The following CCSER1 variants were observed in gnomAD, a reference collection of about 807,000 sequenced individuals.
The protein encoded by CCSER1 is coiled-coil serine rich protein 1.
In CCSER1, 41 loss-of-function variants were observed where a neutral mutation model predicts 82.0. The ratio of observed to expected loss-of-function variants is 0.50; its 90% confidence interval spans 0.39 to 0.65. CCSER1 has a LOEUF of 0.65. CCSER1 is among the 30% of genes least tolerant of loss of function. CCSER1 has a pLI of 0.00. For synonymous variants in CCSER1, 414 were observed against 383.9 expected (o/e 1.08, Z -0.92); for missense variants, 1,119 against 1,064.2 (o/e 1.05, Z -0.72).
intron 6 of CCSER1, among the ~76,000 whole-genome samples, chr4:90,698,105 ATGAATGAAAG>A (rs1332291653): frequency 6.6e-6 from 1 of 152,200 alleles, no homozygotes; most frequent in African/African-American, 2.4e-5. Flanking sequence ...AGAGATCATT[ATGAATGAAAG>A]CTAGAAAGCT....
At chr4:90,293,762 A>G (rs1418215392) in intron 1 of CCSER1, among the ~76,000 whole-genome samples, 1 of 151,842 alleles carries the variant, frequency 6.6e-6, no homozygotes, top group African/African-American at 2.4e-5. Context: ...TCAAAAGAAC[A>G]TGCATCTCAG....
chr4:90,960,731 G>A (rs1733975064), intron 9 of CCSER1, among the ~76,000 whole-genome samples: 1 of 152,076 alleles, frequency 6.6e-6, no homozygotes, highest in African/African-American at 2.4e-5. Flanking sequence ...CTGGAATCCT[G>A]ATTCTCGACT....
intron 7 of CCSER1, among the ~76,000 whole-genome samples, chr4:90,734,350 C>G (rs898265517): frequency 4.6e-5 from 7 of 152,084 alleles, no homozygotes; most frequent in African/African-American, 7.2e-5. Flanking sequence ...TGGTCTCGAT[C>G]TCCTGACCTC....
At chr4:90,206,704 T>G (rs975177891) in intron 1 of CCSER1, among the ~76,000 whole-genome samples, 1 of 148,668 alleles carries the variant, frequency 6.7e-6, no homozygotes, top group African/African-American at 2.5e-5. Flanking sequence ...TAGATGTCTA[T>G]TAGGTCTGCT....
At chr4:90,259,311 T>C (rs1282175043) in intron 1 of CCSER1, among the ~76,000 whole-genome samples, 2 of 152,228 alleles carry the variant, frequency 1.3e-5, no homozygotes, top group East Asian at 3.8e-4. Flanking sequence ...TTTGTATACA[T>C]TGATTTTGTA....
At chr4:91,022,906 G>A (rs1218673047) in intron 9 of CCSER1, among the ~76,000 whole-genome samples, 3 of 152,172 alleles carry the variant, frequency 2.0e-5, no homozygotes, top group South Asian at 2.1e-4. Flanking sequence ...GATTCTGGAT[G>A]TTAGCCCTTT....
intron 9 of CCSER1, among the ~76,000 whole-genome samples, chr4:90,935,576 T>G (rs1329118389): frequency 1.3e-5 from 2 of 152,198 alleles, no homozygotes; most frequent in Non-Finnish European, 2.9e-5. Flanking sequence ...ACAAGTCTGT[T>G]TTTCTGTATC....
intron 10 of CCSER1, among the ~76,000 whole-genome samples, chr4:91,574,389 T>C (rs1449469166): frequency 6.6e-6 from 1 of 152,024 alleles, no homozygotes; most frequent in Non-Finnish European, 1.5e-5. Context: ...AGCAATCCCA[T>C]TACTGGATAT....
chr4:90,194,485 A>G lies in CCSER1; in HGVS notation c.-42+66654A>G, dbSNP rs941478046. On this transcript the variant is annotated intron_variant, in intron 1 of 10. Transcript: ENST00000509176. ...TTCAGTGATGATAGGTTTAGACTTCATGGTGTTTTTTATTTTCGCCTGCTT... is the reference window on the plus strand; with the variant it reads ...TTCAGTGATGATAGGTTTAGACTTCGTGGTGTTTTTTATTTTCGCCTGCTT... Among the ~76,000 whole-genome samples the G allele has an allele frequency of 3.3e-5, 5 of 152,178 alleles. No homozygotes were observed. The East Asian group carries it at 5.8e-4, about 18-fold the overall frequency.
At chr4:90,722,026 CT>C (rs1742767608) in intron 6 of CCSER1, among the ~76,000 whole-genome samples, 1 of 151,580 alleles carries the variant, frequency 6.6e-6, no homozygotes, top group African/African-American at 2.4e-5. Context: ...TTGGAGTCTG[CT>C]TTTTACTACC....
At chr4:91,378,871 G>C (rs1370576188) in intron 10 of CCSER1, among the ~76,000 whole-genome samples, 1 of 152,266 alleles carries the variant, frequency 6.6e-6, no homozygotes, top group East Asian at 1.9e-4. Context: ...CATTCAGTAT[G>C]ATATTGGCTG....
chr4:90,933,133 GT>G (rs1276474601), intron 9 of CCSER1, among the ~76,000 whole-genome samples: 1 of 2,088 alleles, frequency 4.8e-4, no homozygotes, highest in Non-Finnish European at 1.1e-3. Flanking sequence ...TTACCTAGAA[GT>G]GTGTGTGTGT....
intron 10 of CCSER1, among the ~76,000 whole-genome samples, chr4:91,518,618 G>A (rs976003889): frequency 3.4e-4 from 52 of 152,244 alleles, no homozygotes; most frequent in African/African-American, 1.2e-3. Flanking sequence ...GGGTGTTGGG[G>A]CATCAAGGGC....
At chr4:90,502,207 T>C (rs1769994982) in intron 5 of CCSER1, among the ~76,000 whole-genome samples, 1 of 152,108 alleles carries the variant, frequency 6.6e-6, no homozygotes, top group African/African-American at 2.4e-5. Context: ...TGTACAGGAA[T>C]CATGGCTAGG....
intron 10 of CCSER1, among the ~76,000 whole-genome samples, chr4:91,161,843 G>C (rs1180502008): frequency 1.3e-5 from 2 of 152,156 alleles, no homozygotes; most frequent in African/African-American, 4.8e-5. Context: ...GGGCTGAGAT[G>C]ATGGGGTTTT....
intron 9 of CCSER1, among the ~76,000 whole-genome samples, chr4:90,926,700 A>G (rs572598723): frequency 1.3e-5 from 2 of 152,112 alleles, no homozygotes; most frequent in East Asian, 3.9e-4. Flanking sequence ...AGGCCTATAA[A>G]CACCATAGTT....
At chr4:91,313,045 A>G (rs1264529200) in intron 10 of CCSER1, among the ~76,000 whole-genome samples, 1 of 151,728 alleles carries the variant, frequency 6.6e-6, no homozygotes, top group African/African-American at 2.4e-5. Flanking sequence ...TTACTCTTTG[A>G]GCTGATATTT....
At chr4:91,438,269 C>A (rs911281259) in intron 10 of CCSER1, among the ~76,000 whole-genome samples, 3 of 152,150 alleles carry the variant, frequency 2.0e-5, no homozygotes, top group Non-Finnish European at 4.4e-5. Flanking sequence ...CGGCCGGGTA[C>A]TCTTCTGAGA....
intron 10 of CCSER1, among the ~76,000 whole-genome samples, chr4:91,415,410 T>C (rs1753300311): frequency 6.6e-6 from 1 of 152,180 alleles, no homozygotes; most frequent in Non-Finnish European, 1.5e-5. Flanking sequence ...TATTTCTTTC[T>C]CTTGCCTGAT....
Sources: gnomAD v4.1 joint callset for allele counts (sites outside exome capture counted in the v4.1 genomes callset) on GRCh38, gnomAD v4.1.1 for gene constraint, MANE v1.5 for transcripts, NCBI Gene and HGNC (gene_info 2026-07-23, HGNC 2026-07-21) for gene names.